WWOX: variants seen among roughly 807,000 people sequenced by gnomAD.
WWOX encodes WW domain containing oxidoreductase.
In WWOX, 69 loss-of-function variants were observed where a neutral mutation model predicts 46.2. The observed-to-expected ratio is 1.49, with a 90% CI of 1.23 to 1.82. WWOX has a LOEUF of 1.82. WWOX is among the 40% of genes most tolerant of loss of function. The pLI, the probability that WWOX is intolerant of heterozygous loss-of-function variation, is 0.00. For synonymous variants in WWOX, 359 were observed against 202.6 expected (o/e 1.77, Z -6.56); for missense variants, 919 against 542.6 (o/e 1.69, Z -6.89).
chr16:78,998,373 CG>C (rs1230809236), intron 8 of WWOX, among the ~76,000 whole-genome samples: 3 of 152,130 alleles, frequency 2.0e-5, no homozygotes, highest in Non-Finnish European at 4.4e-5. Context: ...GCTTTGTACT[CG>C]GGCCCAGAGC....
At chr16:78,318,637 T>C (rs905523291) in intron 5 of WWOX, among the ~76,000 whole-genome samples, 1 of 152,294 alleles carries the variant, frequency 6.6e-6, no homozygotes, top group East Asian at 1.9e-4. Context: ...ACCCACCTTA[T>C]AGGCTTGCTG....
chr16:78,960,657 CAG>C (rs1437042531), intron 8 of WWOX, among the ~76,000 whole-genome samples: 13 of 152,302 alleles, frequency 8.5e-5, no homozygotes, highest in African/African-American at 2.6e-4. Context: ...CTGGAGGGAA[CAG>C]AGAGCCATCA....
At chr16:78,638,029 G>T (rs992012933) in intron 8 of WWOX, among the ~76,000 whole-genome samples, 1 of 152,184 alleles carries the variant, frequency 6.6e-6, no homozygotes, top group African/African-American at 2.4e-5. Flanking sequence ...TCCCTGGGAA[G>T]CTTGCTCACA....
At chr16:79,066,496 G>C (rs1282293963) in intron 8 of WWOX, among the ~76,000 whole-genome samples, 1 of 152,102 alleles carries the variant, frequency 6.6e-6, no homozygotes, top group Admixed American at 6.5e-5. Context: ...AAGGAAGGAA[G>C]GGGGAAGGGA....
At chr16:78,611,851 T>C (rs980582477) in intron 8 of WWOX, among the ~76,000 whole-genome samples, 1 of 152,220 alleles carries the variant, frequency 6.6e-6, no homozygotes, top group African/African-American at 2.4e-5. Flanking sequence ...TCTTAAAGTT[T>C]CTACTTTGGA....
At chr16:78,906,869 A>G (rs1464494035) in intron 8 of WWOX, among the ~76,000 whole-genome samples, 2 of 152,032 alleles carry the variant, frequency 1.3e-5, no homozygotes, top group South Asian at 4.1e-4. Flanking sequence ...AAGCTTCCTA[A>G]CTCCATGGTG....
chr16:78,427,421 A>C (rs568300588), intron 7 of WWOX, among the ~76,000 whole-genome samples: 1 of 152,244 alleles, frequency 6.6e-6, no homozygotes, highest in African/African-American at 2.4e-5. Context: ...TTCAGATAAC[A>C]ATTAAAGTAG....
At chr16:79,060,728 G>T (rs62040126) in intron 8 of WWOX, among the ~76,000 whole-genome samples, 1,942 of 152,354 alleles carry the variant, frequency 0.013, 20 homozygotes, top group South Asian at 0.023. Flanking sequence ...CATTGTCACT[G>T]TATGGAGAAT....
At chr16:78,367,046 T>A (rs2081550720) in intron 5 of WWOX, among the ~76,000 whole-genome samples, 2 of 146,490 alleles carry the variant, frequency 1.4e-5, no homozygotes, top group South Asian at 2.2e-4. Flanking sequence ...GTGGTGTGAT[T>A]TCAGCTCACA....
chr16:78,744,685 G>C (rs2049307576), intron 8 of WWOX, among the ~76,000 whole-genome samples: 1 of 151,996 alleles, frequency 6.6e-6, no homozygotes, highest in Non-Finnish European at 1.5e-5. Context: ...ACCTGCCTCG[G>C]CCTCCCAAAG....
intron 8 of WWOX, among the ~76,000 whole-genome samples, chr16:78,760,668 C>T (rs149596615): frequency 2.7e-3 from 414 of 152,238 alleles, no homozygotes; most frequent in Admixed American, 3.9e-3. Context: ...CAGCATCAGA[C>T]GGCTTGTCTC....
rs1025228382 is a variant in WWOX at position 78,350,628 on chromosome 16, A to T, written c.517-36232A>T. ...AAGGGTCATTCATGTTGTAGCATGT[A>T]TCAGTACTTCTTTTTTTAGGGCTGA... On this transcript the variant is annotated intron_variant, in intron 5 of 8. Transcript: ENST00000566780. 1.6e-5 allele frequency among the ~76,000 whole-genome samples: 2 copies of T among 121,316 alleles called. 1 individual carries two copies. Among genetic ancestry groups the T allele is most frequent in the Non-Finnish European group, 3.9e-5 (2 of 50,726 alleles). 79.6% of individuals were successfully genotyped at this position (121,316 alleles called of 152,430 possible). A position where few individuals can be genotyped will look rare whatever the true frequency, so the allele number is the denominator to read the frequency against.
chr16:78,454,716 C>T (rs374964597), intron 8 of WWOX, among the ~76,000 whole-genome samples: 1 of 152,066 alleles, frequency 6.6e-6, no homozygotes, highest in Non-Finnish European at 1.5e-5. Flanking sequence ...AGGCTGGTCT[C>T]GAACTCTCAA....
intron 8 of WWOX, among the ~76,000 whole-genome samples, chr16:79,200,049 A>G (rs1041693370): frequency 3.3e-5 from 5 of 152,186 alleles, no homozygotes; most frequent in African/African-American, 1.2e-4. Flanking sequence ...ACAAATGCCA[A>G]GCTCCTCACC....
intron 8 of WWOX, among the ~76,000 whole-genome samples, chr16:78,517,406 C>G (rs1336487977): frequency 7.3e-6 from 1 of 137,826 alleles, no homozygotes; most frequent in Non-Finnish European, 1.5e-5. Context: ...TTGAAAATCA[C>G]CAGAACTGAA....
intron 8 of WWOX, among the ~76,000 whole-genome samples, chr16:78,748,848 A>T (rs968178328): frequency 7.2e-5 from 11 of 152,218 alleles, no homozygotes; most frequent in Non-Finnish European, 1.5e-4. Flanking sequence ...CATATATCTT[A>T]AGTAGGAAGG....
chr16:78,602,964 C>A (rs952459590), intron 8 of WWOX, among the ~76,000 whole-genome samples: 1 of 152,334 alleles, frequency 6.6e-6, no homozygotes, highest in South Asian at 2.1e-4. Context: ...TCTCCCTGAT[C>A]AGAACCATTC....
chr16:78,521,336 A>T (rs1682424790), intron 8 of WWOX, among the ~76,000 whole-genome samples: 1 of 152,094 alleles, frequency 6.6e-6, no homozygotes, highest in South Asian at 2.1e-4. Context: ...GAAATAAGGT[A>T]TGAGCCACCA....
At chr16:79,019,625 C>G (rs1045860224) in intron 8 of WWOX, among the ~76,000 whole-genome samples, 5 of 151,810 alleles carry the variant, frequency 3.3e-5, no homozygotes, top group Non-Finnish European at 7.4e-5. Context: ...TATCTGTGAG[C>G]TCAGGAAGCA....
Sources: allele counts gnomAD v4.1 joint callset (sites outside exome capture counted in the v4.1 genomes callset), GRCh38; gene constraint gnomAD v4.1.1; transcripts MANE v1.5; gene names NCBI Gene and HGNC (gene_info 2026-07-23, HGNC 2026-07-21).